Variants in CUL2 observed in about 807,000 individuals in gnomAD.
CUL2 encodes the protein cullin-2.
In CUL2, 22 loss-of-function variants were observed where a neutral mutation model predicts 110.2. The ratio of observed to expected loss-of-function variants is 0.20; its 90% CI spans 0.14 to 0.28. CUL2 has a LOEUF of 0.28. Ranked by LOEUF, CUL2 falls within the 10% of genes least tolerant of loss-of-function variation. The pLI is 1.00. For missense variants in CUL2, 631 were observed against 905.5 expected, an observed-to-expected ratio of 0.70 and a Z score of 3.89; for synonymous variants, 279 against 293.2, an observed-to-expected ratio of 0.95 and a Z score of 0.49.
chr10:35,088,430 C>T (rs1191770981), intron 1 of CUL2, among the ~76,000 whole-genome samples: 1 of 61,052 alleles, frequency 1.6e-5, no homozygotes, highest in African/African-American at 5.9e-5. Flanking sequence ...ATTGCTTGAA[C>T]TGGGAGGTTG....
At chr10:35,070,876 CA>C (rs2086660046) in intron 2 of CUL2, among the ~76,000 whole-genome samples, 1 of 152,098 alleles carries the variant, frequency 6.6e-6, no homozygotes, top group South Asian at 2.1e-4. Context: ...TTCTTGAAAG[CA>C]ATGACATTAG....
chr10:35,043,961 C>T (rs754137586), intron 8 of CUL2, among the ~76,000 whole-genome samples: 8 of 146,004 alleles, frequency 5.5e-5, no homozygotes, highest in African/African-American at 1.8e-4. Flanking sequence ...CCAGCTACTT[C>T]GTAGGCTGAG....
In CUL2 at chr10:35,062,975, A is replaced by G. The variant is rs759641989; in HGVS notation, c.207T>C (p.Val69=). The G allele has an allele frequency of 6.3e-7, 1 of 1,595,036 alleles. No homozygotes were observed. The highest frequency in any genetic ancestry group is 8.6e-7 in the Non-Finnish European group (1 of 1,163,092). Residue 69 remains valine (V), a synonymous_variant, in exon 3 of 21, where the codon GTT becomes GTC. Transcript: ENST00000374749. The stretch of plus-strand genomic sequence containing the variant: ...CATTGCTTACCTTATGCAAATGCCG[A>G]ACATGATTTTCCAAAAAAATCTTAG... ...TETKIFLENH[V]RHLHKRVLES...
intron 6 of CUL2, among the ~76,000 whole-genome samples, chr10:35,047,709 G>A (rs1245960045): frequency 6.6e-6 from 1 of 151,200 alleles, no homozygotes; most frequent in Non-Finnish European, 1.5e-5. Context: ...CTTGAGGTAG[G>A]AGCTCGAGAC....
At chr10:35,051,308 C>A (rs1045564187) in intron 5 of CUL2, among the ~76,000 whole-genome samples, 1 of 144,260 alleles carries the variant, frequency 6.9e-6, no homozygotes, top group African/African-American at 2.6e-5. Flanking sequence ...GAGCGAGACT[C>A]CGTCTCAAAA....
chr10:35,039,919 G>A (rs9794325), intron 8 of CUL2, among the ~76,000 whole-genome samples: 44,513 of 151,792 alleles, frequency 0.29, 7,046 homozygotes, highest in South Asian at 0.35. Context: ...TTGGGAGGCC[G>A]AGGTGGGTGG....
Position 35,011,873 on chromosome 10 carries a change from A to C in CUL2, c.2081T>G (p.Leu694Arg). The C allele has an allele frequency of 6.2e-7, 1 of 1,613,198 alleles. No homozygotes were observed. The highest frequency in any genetic ancestry group is 8.5e-7 in the Non-Finnish European group (1 of 1,179,208). ...IVRIMKARKV[L>R]RHNALIQEVI... Reference sequence around the variant, plus strand: ...CTCTTGAATAAGGGCATTGTGCCGAAGCACTTTTCGTGCTTTCATGATACG... The same window carrying C: ...CTCTTGAATAAGGGCATTGTGCCGACGCACTTTTCGTGCTTTCATGATACG... The change falls in exon 20 of 21, where the codon CTT (leucine) becomes CGT (arginine). Residue 694 changes from leucine to arginine, a missense_variant. This residue lies in a region of CUL2 where 159 missense variants were observed against 202.7 expected (regional missense o/e 0.78). Coordinates refer to ENST00000374749, the MANE Select transcript of CUL2 (RefSeq NM_003591.4).
chr10:35,034,633 A>ACAAACTGTTACAGTC (rs1172884779), intron 10 of CUL2, among the ~76,000 whole-genome samples: 6 of 152,336 alleles, frequency 3.9e-5, no homozygotes, highest in Non-Finnish European at 5.9e-5. Flanking sequence ...CTGTTACAGT[A>ACAAACTGTTACAGTC]CAAACTGTTA....
intron 9 of CUL2, among the ~76,000 whole-genome samples, chr10:35,037,920 G>A (rs2085666769): frequency 1.3e-5 from 2 of 151,946 alleles, no homozygotes; most frequent in Non-Finnish European, 2.9e-5. Flanking sequence ...TCGGGAGGCC[G>A]GGGCAAGCAG....
In CUL2 at chr10:35,031,635, A is replaced by G. The variant is rs2085482466; in HGVS notation, c.1171-16T>C. ...ACTTAGCAAGCTCATGTAGAAATTG[A>G]TAATAAATCTTACAAAGGGTGCTTC... On this transcript the variant is annotated splice_polypyrimidine_tract_variant and intron_variant, in intron 12 of 20. Coordinates refer to ENST00000374749, the MANE Select transcript of CUL2 (RefSeq NM_003591.4). The surrounding 1 kb of genome is among the most constrained non-coding windows in gnomAD (Gnocchi z 4.4). 6.2e-7 allele frequency: 1 copy of G among 1,613,452 alleles called. No individual in the cohort carries two copies. Among genetic ancestry groups the G allele is most frequent in the African/African-American group, 1.3e-5 (1 of 74,930 alleles).
In CUL2 at chr10:35,031,748, G is replaced by A; in HGVS notation, c.1171-129C>T. 1 of 888,600 alleles carries A rather than the reference G, an allele frequency of 1.1e-6. No individual in the cohort carries two copies. Among genetic ancestry groups the A allele is most frequent in the Non-Finnish European group, 1.7e-6 (1 of 583,792 alleles). 55.0% of individuals were successfully genotyped at this position (888,600 alleles called of 1,614,324 possible). ...TTTTGCTGTTTTTTTTAGAGACCGG[G>A]TCTTGCTCTGTTGCCAGGCTGGATT... On this transcript the variant is annotated intron_variant, in intron 12 of 20. Transcript: ENST00000374749. The surrounding 1 kb of genome is among the most constrained non-coding windows in gnomAD (Gnocchi z 4.4).
At chr10:35,092,747 A>G (rs1173815839), upstream of CUL2, among the ~76,000 whole-genome samples, 1 of 152,154 alleles carries the variant, frequency 6.6e-6, no homozygotes, top group African/African-American at 2.4e-5. Flanking sequence ...AAGTTAGTTT[A>G]TGGTTTAACT....
chr10:35,010,322 A>G lies in CUL2; in HGVS notation c.2227T>C (p.Tyr743His). Residue 743 changes from tyrosine to histidine, a missense_variant, in exon 21 of 21, where the codon TAC (tyrosine) becomes CAC (histidine). Transcript: ENST00000374749. ...RSQASADEYS[Y>H]VA ...GGAGGAGAGCGACATCACGCGACGTAGCTGTATTCATCTGCCGACGCCTGG... is the reference window on the plus strand; with the variant it reads ...GGAGGAGAGCGACATCACGCGACGTGGCTGTATTCATCTGCCGACGCCTGG... 6.2e-7 allele frequency: 1 copy of G among 1,610,062 alleles called. No homozygotes were observed. The highest frequency in any genetic ancestry group is 8.5e-7 in the Non-Finnish European group (1 of 1,178,106).
Position 35,008,653 on chromosome 10 carries a change from T to C in CUL2, c.*1658A>G, listed in dbSNP as rs2084819832. On this transcript the variant is annotated 3_prime_UTR_variant, in exon 21 of 21. Transcript: ENST00000374749. ...TATGGTTTGCCATTATTTCCTCTTT[T>C]GGAAGAAAGGTAAAATGAGAAATAC... 2 of 152,210 alleles carry C rather than the reference T, an allele frequency of 1.3e-5. No homozygotes were observed. The highest frequency in any genetic ancestry group is 2.9e-5 in the Non-Finnish European group (2 of 68,044). 9.4% of individuals were successfully genotyped at this position (152,210 alleles called of 1,614,324 possible).
At chr10:35,049,899 T>A (rs1028703949) in intron 5 of CUL2, 134 bp from the exon 6 acceptor site, 2 of 565,128 alleles carry the variant, frequency 3.5e-6, no homozygotes, top group Non-Finnish European at 6.2e-6. Flanking sequence ...AAATAAAACC[T>A]GAACAAAAAT....
intron 1 of CUL2, among the ~76,000 whole-genome samples, chr10:35,115,423 G>C (rs1207365232): frequency 1.3e-5 from 2 of 151,756 alleles, no homozygotes; most frequent in Admixed American, 1.3e-4. Flanking sequence ...AGCCAGGCAT[G>C]CTGGCAGGCG....
intron 1 of CUL2, among the ~76,000 whole-genome samples, chr10:35,118,004 T>A (rs369008160): frequency 6.6e-6 from 1 of 152,206 alleles, no homozygotes; most frequent in African/African-American, 2.4e-5. Context: ...TGCACCAGCA[T>A]GTTCTACTTG....
chr10:35,089,532 GTTAATA>G (rs1312148948), intron 1 of CUL2, among the ~76,000 whole-genome samples: 2 of 152,192 alleles, frequency 1.3e-5, no homozygotes, highest in Non-Finnish European at 2.9e-5. Flanking sequence ...GCCTTCAACT[GTTAATA>G]TTAATCCATG....
At chr10:35,058,594 T>A (rs1009757892) in intron 4 of CUL2, among the ~76,000 whole-genome samples, 6 of 152,194 alleles carry the variant, frequency 3.9e-5, no homozygotes, top group Admixed American at 3.3e-4. Context: ...AAAGGCAAGA[T>A]GAGAGTAATC....
Sources: allele counts gnomAD v4.1 joint callset (sites outside exome capture counted in the v4.1 genomes callset), GRCh38; gene constraint gnomAD v4.1.1; regional missense constraint gnomAD v4.1.1; non-coding constraint Gnocchi (gnomAD v3.1); transcripts MANE v1.5; gene names NCBI Gene and HGNC (gene_info 2026-07-23, HGNC 2026-07-21).